Variants in PDE5A observed in about 807,000 individuals in gnomAD.
The protein encoded by PDE5A is phosphodiesterase 5A.
A neutral mutation model predicts 110.2 loss-of-function variants in PDE5A; 67 were observed. The ratio of observed to expected loss-of-function variants is 0.61; its 90% CI spans 0.50 to 0.75. The LOEUF (loss-of-function observed/expected upper bound fraction) is 0.75, where lower values mean the gene tolerates loss of function less well. Ranked by LOEUF, PDE5A falls within the 30% of genes least tolerant of loss-of-function variation. PDE5A has a pLI of 0.00. For synonymous variants in PDE5A, 328 were observed against 351.2 expected (o/e 0.93, Z 0.74); for missense variants, 862 against 1,045.1 (o/e 0.82, Z 2.42).
chr4:119,543,024 TG>T (rs1452008079), intron 9 of PDE5A: 45 of 137,086 alleles, frequency 3.3e-4, no homozygotes, highest in Non-Finnish European at 5.8e-4. Flanking sequence ...CTTTCCTTAC[TG>T]AGAAACCAGA....
chr4:119,503,984 G>A (rs1215012734), intron 18 of PDE5A, among the ~76,000 whole-genome samples: 2 of 151,990 alleles, frequency 1.3e-5, no homozygotes, highest in Non-Finnish European at 2.9e-5. Flanking sequence ...GGGTATATGT[G>A]CATGTCTGGT....
chr4:119,520,705 T>C (rs1726096837), intron 13 of PDE5A, among the ~76,000 whole-genome samples: 1 of 152,120 alleles, frequency 6.6e-6, no homozygotes, highest in African/African-American at 2.4e-5. Context: ...TGAAGTTATT[T>C]TGAAGGTTTT....
Position 119,525,462 on chromosome 4 carries a change from C to T in PDE5A, c.1779+87G>A. On this transcript the variant is annotated intron_variant, in intron 12 of 20. Transcript: ENST00000354960. The surrounding 1 kb of genome is among the most constrained non-coding windows in gnomAD (Gnocchi z 4.3). ...CACTAAAATGTAAAAATCCCTATTC[C>T]ATATTTGCATTCAAAACCAATTCTC... The T allele has an allele frequency of 8.0e-7, 1 of 1,244,820 alleles. No homozygotes were observed. Among genetic ancestry groups the T allele is most frequent in the South Asian group, 1.6e-5 (1 of 62,280 alleles). 77.1% of individuals were successfully genotyped at this position (1,244,820 alleles called of 1,614,324 possible).
At chr4:119,571,677 G>GT (rs533963266) in intron 3 of PDE5A, among the ~76,000 whole-genome samples, 96 of 152,276 alleles carry the variant, frequency 6.3e-4, no homozygotes, top group Admixed American at 1.0e-3. Context: ...ATTTCTGGTA[G>GT]TTTTTTTACA....
chr4:119,563,051 T>A, intron 5 of PDE5A, 81 bp from the exon 6 acceptor site: 1 of 1,189,922 alleles, frequency 8.4e-7, no homozygotes, highest in Non-Finnish European at 1.2e-6. Context: ...GGTTATAAAT[T>A]GTTTATATAA....
intron 13 of PDE5A, chr4:119,519,740 G>A (rs1726054768): frequency 6.6e-6 from 1 of 151,974 alleles, no homozygotes; most frequent in South Asian, 2.1e-4. Context: ...AGAACTCTCA[G>A]TACTCTAAAT....
At chr4:119,505,706 CTT>C (rs1725525938) in intron 17 of PDE5A, 147 bp downstream of exon 17, 2 of 545,836 alleles carry the variant, frequency 3.7e-6, no homozygotes, top group Non-Finnish European at 6.5e-6. Context: ...CAAATTTACT[CTT>C]TGTACAACCC....
At chr4:119,590,064 T>C (rs961860147) in intron 3 of PDE5A, among the ~76,000 whole-genome samples, 1 of 152,224 alleles carries the variant, frequency 6.6e-6, no homozygotes, top group African/African-American at 2.4e-5. Flanking sequence ...CTCTCTATTA[T>C]GACCCCTACA....
intron 4 of PDE5A, among the ~76,000 whole-genome samples, 166 bp downstream of exon 4, chr4:119,566,907 C>A (rs1727955302): frequency 6.6e-6 from 1 of 152,184 alleles, no homozygotes; most frequent in South Asian, 2.1e-4. Context: ...GATGTGAAAT[C>A]ATCGCTTTAT....
intron 3 of PDE5A, 103 bp downstream of exon 3, chr4:119,596,420 G>A (rs1729152795): frequency 1.9e-6 from 1 of 516,656 alleles, no homozygotes; most frequent in Admixed American, 3.9e-5. Flanking sequence ...TAGCTAATTT[G>A]TCACTAAAGC....
intron 3 of PDE5A, among the ~76,000 whole-genome samples, chr4:119,584,374 C>T (rs1578799608): frequency 1.3e-5 from 2 of 152,180 alleles, no homozygotes; most frequent in South Asian, 4.1e-4. Context: ...TGACAACTCT[C>T]CCCCTTTATA....
In PDE5A at chr4:119,520,954, A is replaced by G; in HGVS notation, c.1886T>C (p.Leu629Pro). The G allele has an allele frequency of 6.2e-7, 1 of 1,610,634 alleles. No individual in the cohort carries two copies. Among genetic ancestry groups the G allele is most frequent in the Non-Finnish European group, 8.5e-7 (1 of 1,178,354 alleles). The change falls in exon 13 of 21, where the codon CTA (leucine) becomes CCA (proline). Residue 629 changes from leucine (L) to proline (P), a missense_variant. Coordinates refer to ENST00000354960, the MANE Select transcript of PDE5A (RefSeq NM_001083.4). ...FNTAQCMFAA[L>P]KAGKIQNKLT... ...AAGTACCTGAATTTTGCCTGCTTTT[A>G]GAGCAGCAAACATGCACTGAGCTGT...
chr4:119,594,378 G>C (rs530124509), intron 3 of PDE5A, among the ~76,000 whole-genome samples: 2 of 152,186 alleles, frequency 1.3e-5, no homozygotes, highest in African/African-American at 4.8e-5. Context: ...AGCTGTTTTG[G>C]GGGCCACGAT....
Position 119,607,093 on chromosome 4 carries a change from C to G in PDE5A, c.357G>C (p.Glu119Asp), listed in dbSNP as rs377697778. ...PLRPIVVKDS[E>D]GTVSFLSDSE... is the part of the protein sequence containing the mutation. ...AGTCAGAGAGGAAGCTCACAGTTCCCTCAGAATCCTTGACAACAATGGGTC... is the reference window on the plus strand; with the variant it reads ...AGTCAGAGAGGAAGCTCACAGTTCCGTCAGAATCCTTGACAACAATGGGTC... The change falls in exon 2 of 21, where the codon GAG (glutamate) becomes GAC (aspartate). Residue 119 changes from glutamate (E) to aspartate (D), a missense_variant. Coordinates refer to ENST00000354960, the MANE Select transcript of PDE5A (RefSeq NM_001083.4). 1.9e-6 allele frequency: 3 copies of G among 1,614,048 alleles called. No individual in the cohort carries two copies. The African/African-American group carries it at 4.0e-5, about 22-fold the overall frequency.
At chr4:119,515,804 A>G (rs1179571009) in intron 14 of PDE5A, among the ~76,000 whole-genome samples, 1 of 152,104 alleles carries the variant, frequency 6.6e-6, no homozygotes, top group Non-Finnish European at 1.5e-5. Context: ...TTGCTGTAAC[A>G]GCTTTCTAGT....
chr4:119,528,905 T>C (rs2110476384), intron 11 of PDE5A: 1 of 152,222 alleles, frequency 6.6e-6, no homozygotes, highest in South Asian at 2.1e-4. Context: ...TAAGATTATG[T>C]TGTATTTTTC....
At chr4:119,575,534 A>G (rs938804399) in intron 3 of PDE5A, among the ~76,000 whole-genome samples, 2 of 152,204 alleles carry the variant, frequency 1.3e-5, no homozygotes, top group Non-Finnish European at 2.9e-5. Flanking sequence ...CCAATATTCA[A>G]CATTCTTAAA....
At chr4:119,606,652 G>T in intron 2 of PDE5A, 57 bp downstream of exon 2, 2 of 1,249,968 alleles carry the variant, frequency 1.6e-6, no homozygotes, top group Non-Finnish European at 2.3e-6. Context: ...CATAGTACCC[G>T]CCCCAGCCAT....
chr4:119,549,906 A>T (rs1325502861), intron 9 of PDE5A: 1 of 152,186 alleles, frequency 6.6e-6, no homozygotes, highest in Non-Finnish European at 1.5e-5. Context: ...AAATGTCAGT[A>T]ATGGAAAAAA....
Sources: gnomAD v4.1 joint callset for allele counts (sites outside exome capture counted in the v4.1 genomes callset) on GRCh38, gnomAD v4.1.1 for gene constraint, Gnocchi (gnomAD v3.1) non-coding constraint, MANE v1.5 for transcripts, NCBI Gene and HGNC (gene_info 2026-07-23, HGNC 2026-07-21) for gene names.